SHISAL1: variants seen among roughly 807,000 people sequenced by gnomAD.
SHISAL1 encodes protein shisa-like-1.
SHISAL1 carries 9 observed loss-of-function variants against 22.6 expected under a neutral mutation model. The observed-to-expected ratio is 0.40, with a 90% CI of 0.24 to 0.70. The LOEUF (loss-of-function observed/expected upper bound fraction) is 0.70. Ranked by LOEUF, SHISAL1 falls within the 30% of genes least tolerant of loss-of-function variation. The probability of loss-of-function intolerance (pLI) is 0.39; values close to 1 mark genes in which losing one functional copy is unlikely to be tolerated. For synonymous variants in SHISAL1, 119 were observed against 115.4 expected, an observed-to-expected ratio of 1.03 and a Z score of -0.20; for missense variants, 246 against 270.6, an observed-to-expected ratio of 0.91 and a Z score of 0.64.
chr22:44,322,063 G>A, the SHISAL1 span, among the ~76,000 whole-genome samples: 1 of 152,198 alleles, frequency 6.6e-6, no homozygotes, highest in Non-Finnish European at 1.5e-5. Flanking sequence ...ACCACAAAGT[G>A]TATTCAGCCT....
chr22:44,305,247 C>T (rs750891840), intron 1 of SHISAL1, among the ~76,000 whole-genome samples: 2 of 152,220 alleles, frequency 1.3e-5, no homozygotes, highest in Non-Finnish European at 2.9e-5. Context: ...CACTTGCTGA[C>T]CTGCACTCGG....
chr22:44,323,646 ACCATCCATCCATCCAT>A, the SHISAL1 span, among the ~76,000 whole-genome samples: 55 of 111,330 alleles, frequency 4.9e-4, no homozygotes, highest in African/African-American at 1.9e-3. Flanking sequence ...CCACCCACTC[ACCATCCATCCATCCAT>A]CCATCCATCC....
chr22:44,313,976 G>A (rs1471252031), upstream of SHISAL1, among the ~76,000 whole-genome samples: 1 of 152,168 alleles, frequency 6.6e-6, no homozygotes, highest in African/African-American at 2.4e-5. Context: ...GAAACCAGGG[G>A]GCTATGGGCG....
chr22:44,272,578 C>T (rs1194560956), intron 4 of SHISAL1, among the ~76,000 whole-genome samples: 1 of 152,198 alleles, frequency 6.6e-6, no homozygotes, highest in Non-Finnish European at 1.5e-5. Flanking sequence ...GGGCTGGAGG[C>T]TTTGAAAGAG....
chr22:44,301,053 ACGGGCAGGCGGGCAG>A, intron 1 of SHISAL1, 76 bp from the exon 2 acceptor site: 1 of 1,034,182 alleles, frequency 9.7e-7, no homozygotes, highest in Non-Finnish European at 1.5e-6. Flanking sequence ...ACAGCGGGGG[ACGGGCAGGCGGGCAG>A]CGGGCAGGAG....
At chr22:44,261,706 T>C (rs1275069312) in intron 4 of SHISAL1, among the ~76,000 whole-genome samples, 2 of 152,248 alleles carry the variant, frequency 1.3e-5, no homozygotes, top group Non-Finnish European at 2.9e-5. Context: ...AAATGTCAAC[T>C]CTTGTTCTGC....
chr22:44,301,061 G>A (rs1569224311), intron 1 of SHISAL1, 84 bp from the exon 2 acceptor site: 1 of 854,766 alleles, frequency 1.2e-6, no homozygotes, highest in African/African-American at 1.7e-5. Flanking sequence ...GGACGGGCAG[G>A]CGGGCAGCGG....
chr22:44,299,917 AACAGAGACAGAC>A (rs1414894814), intron 2 of SHISAL1, among the ~76,000 whole-genome samples: 1 of 143,138 alleles, frequency 7.0e-6, no homozygotes, highest in Non-Finnish European at 1.5e-5. Flanking sequence ...CAGAGACAGA[AACAGAGACAGAC>A]ACAGAGACAC....
Position 44,245,401 on chromosome 22 carries a change from G to T in SHISAL1, c.*4284C>A, listed in dbSNP as rs2054990971. 6.6e-6 allele frequency: 1 copy of T among 152,260 alleles called. No homozygotes were observed. Among genetic ancestry groups the T allele is most frequent in the African/African-American group, 2.4e-5 (1 of 41,438 alleles). 9.4% of individuals were successfully genotyped at this position (152,260 alleles called of 1,614,324 possible). On this transcript the variant is annotated 3_prime_UTR_variant, in exon 5 of 5. Coordinates refer to ENST00000381176, the MANE Select transcript of SHISAL1 (RefSeq NM_001099294.2). ...GCGATCTCAGCTCACTGCAAGCTCT[G>T]CCTTCTGGGTTCATGTTATGTTAAT...
At position 44,281,333 on chromosome 22, in the gene SHISAL1, T is replaced by A. The variant is rs142039269; in HGVS notation, c.599+4095A>T. Among the ~76,000 whole-genome samples the A allele has an allele frequency of 2.1e-3, 316 of 151,314 alleles. 3 individuals are homozygous for A. The highest frequency in any genetic ancestry group is 7.3e-3 in the African/African-American group (300 of 41,184). ...CTGCACAACTGACAAGGGTAGGGAG[T>A]CCAGCAGGAGGACGGAGGTCCAGAT... On this transcript the variant is annotated intron_variant, in intron 4 of 4. Coordinates refer to ENST00000381176, the MANE Select transcript of SHISAL1 (RefSeq NM_001099294.2).
At chr22:44,286,614 C>T (rs991574039) in intron 3 of SHISAL1, among the ~76,000 whole-genome samples, 3 of 152,190 alleles carry the variant, frequency 2.0e-5, no homozygotes, top group Non-Finnish European at 2.9e-5. Flanking sequence ...GGAAGTCTTC[C>T]GGACACCCTG....
At position 44,249,700 on chromosome 22, in the gene SHISAL1, A is replaced by T; in HGVS notation, c.*-15T>A. 1.3e-6 allele frequency: 1 copy of T among 779,020 alleles called. No homozygotes were observed. The highest frequency in any genetic ancestry group is 2.4e-6 in the Non-Finnish European group (1 of 418,022). The allele number at this position is 779,020 out of a possible 1,614,324, so 48.3% of individuals were successfully genotyped here. A position where few individuals can be genotyped will look rare whatever the true frequency, so the allele number is the denominator to read the frequency against. On this transcript the variant is annotated splice_polypyrimidine_tract_variant and intron_variant, in intron 4 of 4. Coordinates refer to ENST00000381176, the MANE Select transcript of SHISAL1 (RefSeq NM_001099294.2). Reference sequence around the variant, plus strand: ...AAAAGCGTTTTCTGGAGGAAATACAAGGAAAAAAAGTATCACATGGTGTCT... The same window carrying T: ...AAAAGCGTTTTCTGGAGGAAATACATGGAAAAAAAGTATCACATGGTGTCT...
chr22:44,284,311 C>T (rs73430796), intron 4 of SHISAL1, among the ~76,000 whole-genome samples: 4,824 of 152,074 alleles, frequency 0.032, 274 homozygotes, highest in African/African-American at 0.11. Context: ...TGGGAGGGGG[C>T]AGTCTTACCC....
intron 4 of SHISAL1, among the ~76,000 whole-genome samples, chr22:44,268,795 G>A (rs2055184426): frequency 6.6e-6 from 1 of 152,164 alleles, no homozygotes; most frequent in Admixed American, 6.5e-5. Flanking sequence ...AAGCACCTGG[G>A]GGCAGGGATG....
chr22:44,261,098 T>TAC (rs1555925741), intron 4 of SHISAL1, among the ~76,000 whole-genome samples: 2 of 130,280 alleles, frequency 1.5e-5, no homozygotes, highest in African/African-American at 3.5e-5. Context: ...TATATATATA[T>TAC]ACACTATATG....
chr22:44,317,371 C>T (rs1184012891), upstream of SHISAL1, among the ~76,000 whole-genome samples: 6 of 152,316 alleles, frequency 3.9e-5, no homozygotes, highest in East Asian at 1.9e-4. Context: ...GACTCCCTGG[C>T]GGCAATGGCT....
the SHISAL1 span, among the ~76,000 whole-genome samples, chr22:44,319,844 G>A: frequency 1.2e-4 from 19 of 152,168 alleles, no homozygotes; most frequent in African/African-American, 3.1e-4. Context: ...GCACTGTGCC[G>A]GGGAAAGAAA....
upstream of SHISAL1, among the ~76,000 whole-genome samples, chr22:44,313,519 C>T (rs2055535320): frequency 1.3e-5 from 2 of 152,360 alleles, no homozygotes; most frequent in South Asian, 2.1e-4. Flanking sequence ...AGAGGGTCCT[C>T]CCTGCCAGTA....
Position 44,299,542 on chromosome 22 carries a change from G to A in SHISAL1, c.67+1337C>T, listed in dbSNP as rs551890112. Reference sequence around the variant, plus strand: ...TAGCCCCCAGACCCCTGGCCTGGGCGTGGCTTTGGCTTTGCTGTCCGGGGA... The same window carrying A: ...TAGCCCCCAGACCCCTGGCCTGGGCATGGCTTTGGCTTTGCTGTCCGGGGA... On this transcript the variant is annotated intron_variant, in intron 2 of 4. Coordinates refer to ENST00000381176, the MANE Select transcript of SHISAL1 (RefSeq NM_001099294.2). 2.4e-3 allele frequency among the ~76,000 whole-genome samples: 360 copies of A among 152,340 alleles called. 2 individuals are homozygous for A. The highest frequency in any genetic ancestry group is 3.7e-3 in the Non-Finnish European group (253 of 68,026).
Sources: allele counts gnomAD v4.1 joint callset (sites outside exome capture counted in the v4.1 genomes callset), GRCh38; gene constraint gnomAD v4.1.1; transcripts MANE v1.5; gene names NCBI Gene and HGNC (gene_info 2026-07-23, HGNC 2026-07-21).